The following TNR variants were observed in gnomAD, a reference collection of about 807,000 sequenced individuals.
TNR encodes the protein tenascin R, also known as tenascin-R.
Under a neutral mutation model 150.4 loss-of-function variants are expected in TNR, and 45 were observed. The observed-to-expected ratio is 0.30, with a 90% CI of 0.24 to 0.38. TNR has a LOEUF of 0.38. Ranked by LOEUF, TNR falls within the 10% of genes least tolerant of loss-of-function variation. The probability of loss-of-function intolerance (pLI) is 1.00; values close to 1 mark genes in which losing one functional copy is unlikely to be tolerated. For missense variants in TNR, 1,544 were observed against 1,759.1 expected (o/e 0.88, Z 2.19); for synonymous variants, 687 against 678.4 (o/e 1.01, Z -0.20).
intron 9 of TNR, among the ~76,000 whole-genome samples, chr1:175,371,392 T>C (rs185263009): frequency 2.0e-5 from 3 of 152,332 alleles, no homozygotes; most frequent in Admixed American, 6.5e-5. Context: ...AGCACAGTCA[T>C]ACATTCAACA....
In TNR at chr1:175,322,529, G is replaced by C. The variant is rs532520196; in HGVS notation, c.*828C>G. On this transcript the variant is annotated 3_prime_UTR_variant, in exon 23 of 23. Transcript: ENST00000367674. ...GCAGTGGCTGTAGCCTGTAATCCCAGCATTTTGGGAGGCTGAGGTGGGAGG... is the reference window on the plus strand; with the variant it reads ...GCAGTGGCTGTAGCCTGTAATCCCACCATTTTGGGAGGCTGAGGTGGGAGG... 7 of 152,408 alleles carry C rather than the reference G, an allele frequency of 4.6e-5. No individual in the cohort carries two copies. Among genetic ancestry groups the C allele is most frequent in the African/African-American group, 1.7e-4 (7 of 41,564 alleles). 9.4% of individuals were successfully genotyped at this position (152,408 alleles called of 1,614,324 possible). A position where few individuals can be genotyped will look rare whatever the true frequency, so the allele number is the denominator to read the frequency against.
intron 2 of TNR, among the ~76,000 whole-genome samples, chr1:175,428,973 G>T (rs1466137677): frequency 6.6e-6 from 1 of 152,084 alleles, no homozygotes; most frequent in African/African-American, 2.4e-5. Context: ...CTTGGGTTTT[G>T]AGTCTTCTAG....
chr1:175,396,767 G>C lies in TNR; in HGVS notation c.1017C>G (p.Asp339Glu). Residue 339 changes from aspartate to glutamate, a missense_variant, in exon 5 of 23, where the codon GAC becomes GAG. Around this residue, in one of 2 missense-constraint regions of TNR, gnomAD observed 1,254 missense variants for 1,329.4 expected, o/e 0.94. Coordinates refer to ENST00000367674, the MANE Select transcript of TNR (RefSeq NM_003285.3). ...PEDLRVAGIS[D>E]RSIELEWDGP... Reference sequence around the variant, plus strand: ...CGTCCCATTCCAGCTCAATGGACCTGTCGCTGATACCAGCCACTCGCAAGT... The same window carrying C: ...CGTCCCATTCCAGCTCAATGGACCTCTCGCTGATACCAGCCACTCGCAAGT... The C allele has an allele frequency of 6.2e-7, 1 of 1,614,068 alleles. No homozygotes were observed. Among genetic ancestry groups the C allele is most frequent in the Non-Finnish European group, 8.5e-7 (1 of 1,179,960 alleles).
Position 175,359,639 on chromosome 1 carries a change from A to C in TNR, c.2947T>G (p.Tyr983Asp). Residue 983 changes from tyrosine (Y) to aspartate (D), a missense_variant, in exon 15 of 23, where the codon TAC (tyrosine) becomes GAC (aspartate). Tyr to Asp is a radical substitution (Grantham distance 160, BLOSUM62 -3). Coordinates refer to ENST00000367674, the MANE Select transcript of TNR (RefSeq NM_003285.3). ...WKAPVGEVEN[Y>D]VIVLTHFAVA... is the part of the protein sequence containing the mutation. ...GCAAAGTGTGTAAGAACAATGACGT[A>C]GTTCTCCACCTCACCCACTGGTGCC... 6.2e-7 allele frequency: 1 copy of C among 1,613,810 alleles called. No individual in the cohort carries two copies. The highest frequency in any genetic ancestry group is 8.5e-7 in the Non-Finnish European group (1 of 1,179,856).
At chr1:175,651,084 C>T (rs796933343) in intron 1 of TNR, among the ~76,000 whole-genome samples, 19 of 14,028 alleles carry the variant, frequency 1.4e-3, no homozygotes, top group East Asian at 3.1e-3. Flanking sequence ...TCATTACTCC[C>T]CCCCACCTCA....
rs970551781 is a variant in TNR, at chr1:175,666,731, C to G, written c.-165+76495G>C. Among the ~76,000 whole-genome samples the G allele has an allele frequency of 3.3e-5, 5 of 152,298 alleles. No individual in the cohort carries two copies. The South Asian group carries it at 1.0e-3, about 32-fold the overall frequency. ...GGCCTTGCTTTCGAATCAAAACTTT[C>G]TCTGCTCCCTAGATTCGTTGTTGTT... On this transcript the variant is annotated intron_variant, in intron 1 of 22. Coordinates refer to ENST00000367674, the MANE Select transcript of TNR (RefSeq NM_003285.3).
At chr1:175,483,666 T>C (rs1390114569) in intron 2 of TNR, among the ~76,000 whole-genome samples, 2 of 152,210 alleles carry the variant, frequency 1.3e-5, no homozygotes, top group Admixed American at 6.5e-5. Context: ...TTGGATTTGA[T>C]CCTTCATATG....
chr1:175,537,255 A>G (rs1352496802), intron 1 of TNR, among the ~76,000 whole-genome samples: 1 of 152,240 alleles, frequency 6.6e-6, no homozygotes, highest in Non-Finnish European at 1.5e-5. Context: ...AGAGCCAAAA[A>G]TGAGGCCAAA....
intron 1 of TNR, 125 bp from the exon 2 acceptor site, chr1:175,528,494 T>C (rs1659938016): frequency 6.6e-6 from 1 of 152,238 alleles, no homozygotes; most frequent in Non-Finnish European, 1.5e-5. Context: ...CCATGTGAAT[T>C]TCCAAAGCAA....
intron 1 of TNR, among the ~76,000 whole-genome samples, chr1:175,584,214 G>A (rs1662477247): frequency 6.6e-6 from 1 of 152,134 alleles, no homozygotes; most frequent in African/African-American, 2.4e-5. Context: ...CAATGTGACT[G>A]GTGTCCTTAT....
At chr1:175,705,834 A>G (rs1007746638) in intron 1 of TNR, among the ~76,000 whole-genome samples, 3 of 152,224 alleles carry the variant, frequency 2.0e-5, no homozygotes, top group Non-Finnish European at 2.9e-5. Context: ...AGGTTTCTTC[A>G]TGTATATAAC....
intron 2 of TNR, among the ~76,000 whole-genome samples, chr1:175,523,164 G>A (rs1196294794): frequency 2.0e-5 from 3 of 152,148 alleles, no homozygotes; most frequent in Non-Finnish European, 4.4e-5. Context: ...CCTTGACTGG[G>A]GAGGTGAGAA....
chr1:175,531,543 T>C (rs1394981552), intron 1 of TNR, among the ~76,000 whole-genome samples: 4 of 152,044 alleles, frequency 2.6e-5, no homozygotes, highest in Non-Finnish European at 5.9e-5. Flanking sequence ...GCTTACACAG[T>C]TTCAGAGGGA....
At chr1:175,366,606 A>C (rs976435864) in intron 10 of TNR, among the ~76,000 whole-genome samples, 1 of 152,234 alleles carries the variant, frequency 6.6e-6, no homozygotes, top group Non-Finnish European at 1.5e-5. Context: ...ACTTTTGTCC[A>C]TGTGGTTCTC....
At chr1:175,483,153 C>T (rs1657874836) in intron 2 of TNR, among the ~76,000 whole-genome samples, 1 of 152,182 alleles carries the variant, frequency 6.6e-6, no homozygotes, top group African/African-American at 2.4e-5. Context: ...GGCTCCAGTC[C>T]ATGCCTTCAA....
intron 1 of TNR, among the ~76,000 whole-genome samples, chr1:175,649,210 C>A (rs1438782631): frequency 6.6e-6 from 1 of 152,168 alleles, no homozygotes; most frequent in Non-Finnish European, 1.5e-5. Flanking sequence ...GCACACCCAG[C>A]AAATCTGTCT....
chr1:175,336,691 G>A (rs1166068112), intron 19 of TNR, among the ~76,000 whole-genome samples: 1 of 152,188 alleles, frequency 6.6e-6, no homozygotes, highest in African/African-American at 2.4e-5. Flanking sequence ...CCTGACCACT[G>A]GTGCTCCCTG....
At chr1:175,650,923 C>T (rs1664959668) in intron 1 of TNR, among the ~76,000 whole-genome samples, 1 of 115,264 alleles carries the variant, frequency 8.7e-6, no homozygotes. Flanking sequence ...ACTACCCCTC[C>T]CCACCTCATT....
At chr1:175,345,047 G>A (rs565821857) in intron 18 of TNR, among the ~76,000 whole-genome samples, 60 of 151,936 alleles carry the variant, frequency 3.9e-4, no homozygotes, top group Non-Finnish European at 7.5e-4. Context: ...GACGGAGGTT[G>A]CAGTGAGCCG....
Sources: allele counts gnomAD v4.1 joint callset (sites outside exome capture counted in the v4.1 genomes callset), GRCh38; gene constraint gnomAD v4.1.1; regional missense constraint gnomAD v4.1.1; transcripts MANE v1.5; gene names NCBI Gene and HGNC (gene_info 2026-07-23, HGNC 2026-07-21).